PPM1H: variants seen among roughly 807,000 people sequenced by gnomAD.
The protein encoded by PPM1H is protein phosphatase 1H.
PPM1H carries 27 observed loss-of-function variants against 54.9 expected under a neutral mutation model. The observed-to-expected ratio is 0.49, with a 90% confidence interval of 0.36 to 0.68. PPM1H has a LOEUF of 0.68. Ranked by LOEUF, PPM1H falls within the 30% of genes least tolerant of loss-of-function variation. PPM1H has a pLI of 0.00. For missense variants in PPM1H, 596 were observed against 667.8 expected, an observed-to-expected ratio of 0.89 and a Z score of 1.19; for synonymous variants, 305 against 270.8, an observed-to-expected ratio of 1.13 and a Z score of -1.24.
chr12:62,870,929 T>C (rs1296960356), intron 1 of PPM1H, among the ~76,000 whole-genome samples: 1 of 152,188 alleles, frequency 6.6e-6, no homozygotes, highest in African/African-American at 2.4e-5. Flanking sequence ...TTGCTGTGGA[T>C]GTGGAGAAAT....
chr12:62,788,964 A>T (rs754585541), intron 3 of PPM1H, among the ~76,000 whole-genome samples: 1 of 151,960 alleles, frequency 6.6e-6, no homozygotes, highest in African/African-American at 2.4e-5. Context: ...GTGCTGAAGC[A>T]ATCTGCCTGC....
At position 62,844,205 on chromosome 12, in the gene PPM1H, G is replaced by A. The variant is rs1214107857; in HGVS notation, c.246-11926C>T. 6.6e-6 allele frequency among the ~76,000 whole-genome samples: 1 copy of A among 152,174 alleles called. No individual in the cohort carries two copies. Among genetic ancestry groups the A allele is most frequent in the African/African-American group, 2.4e-5 (1 of 41,434 alleles). ...TGGATGGGGTTGGTGTTCCAAAGTGGGGAAGCTAAGGTTTCACTTATATAG... is the reference window on the plus strand; with the variant it reads ...TGGATGGGGTTGGTGTTCCAAAGTGAGGAAGCTAAGGTTTCACTTATATAG... On this transcript the variant is annotated intron_variant, in intron 1 of 9. Coordinates refer to ENST00000228705, the MANE Select transcript of PPM1H (RefSeq NM_020700.2). This position sits in a 1 kb window ranked among gnomAD's most constrained non-coding sequence, Gnocchi z 5.2.
intron 4 of PPM1H, among the ~76,000 whole-genome samples, chr12:62,747,970 C>T (rs1673865280): frequency 6.6e-6 from 1 of 152,180 alleles, no homozygotes; most frequent in Admixed American, 6.5e-5. Flanking sequence ...ATAAAGGTAG[C>T]ATCTCTCTGT....
intron 6 of PPM1H, among the ~76,000 whole-genome samples, chr12:62,714,753 A>T (rs913481821): frequency 6.6e-6 from 1 of 152,178 alleles, no homozygotes; most frequent in Non-Finnish European, 1.5e-5. Flanking sequence ...CTGCCCCTGA[A>T]ATGAGACCAT....
At chr12:62,762,990 T>G (rs369590266) in intron 4 of PPM1H, among the ~76,000 whole-genome samples, 109 of 152,130 alleles carry the variant, frequency 7.2e-4, no homozygotes, top group African/African-American at 2.5e-3. Flanking sequence ...TATTTTTTTT[T>G]CCAAAGCACC....
At position 62,776,168 on chromosome 12, in the gene PPM1H, C is replaced by T. The variant is rs74098849; in HGVS notation, c.869+12058G>A. On this transcript the variant is annotated intron_variant, in intron 4 of 9. Coordinates refer to ENST00000228705, the MANE Select transcript of PPM1H (RefSeq NM_020700.2). ...GATACGTGGGAGTATGTTATAGGAA[C>T]TACAATTCAAGATGAGATTTGGGTG... is the stretch of plus-strand genomic sequence containing the variant. Among the ~76,000 whole-genome samples, 550 of 152,258 alleles carry T rather than the reference C, an allele frequency of 3.6e-3. 7 individuals are homozygous for T. Among genetic ancestry groups the T allele is most frequent in the African/African-American group, 0.012 (505 of 41,558 alleles).
chr12:62,726,194 AT>A (rs1453230668), intron 5 of PPM1H, among the ~76,000 whole-genome samples: 1 of 152,210 alleles, frequency 6.6e-6, no homozygotes, highest in Non-Finnish European at 1.5e-5. Context: ...GAGCAAACAT[AT>A]GGTTGCTTAA....
At chr12:62,781,619 T>C (rs915381504) in intron 4 of PPM1H, among the ~76,000 whole-genome samples, 2 of 152,252 alleles carry the variant, frequency 1.3e-5, no homozygotes, top group Non-Finnish European at 2.9e-5. Flanking sequence ...GTCCACCCAC[T>C]GAGTTTCAGC....
At chr12:62,652,771 T>TAA (rs2075823269) in intron 9 of PPM1H, among the ~76,000 whole-genome samples, 1 of 152,228 alleles carries the variant, frequency 6.6e-6, no homozygotes, top group Non-Finnish European at 1.5e-5. Flanking sequence ...TCACCTTTTT[T>TAA]TGAGCCTGCC....
Position 62,749,764 on chromosome 12 carries a change from C to T in PPM1H, c.870-12178G>A, listed in dbSNP as rs141357380. On this transcript the variant is annotated intron_variant, in intron 4 of 9. Transcript: ENST00000228705. ...TTAAGCTCCTAAGCAAAAATATTCA[C>T]AAATGATGGTCAAGGGAAAAATATT... Among the ~76,000 whole-genome samples the T allele has an allele frequency of 3.9e-5, 6 of 152,296 alleles. No individual in the cohort carries two copies. In the East Asian group the frequency reaches 1.2e-3, roughly 29 times the overall value.
intron 2 of PPM1H, among the ~76,000 whole-genome samples, chr12:62,819,212 C>T (rs10877917): frequency 0.066 from 9,946 of 150,950 alleles, 443 homozygotes; most frequent in Middle Eastern, 0.12. Context: ...TCACTGCAAC[C>T]TCTGCCCTCC....
chr12:62,794,403 T>A (rs2076719923), intron 3 of PPM1H, among the ~76,000 whole-genome samples: 1 of 152,184 alleles, frequency 6.6e-6, no homozygotes, highest in Non-Finnish European at 1.5e-5. Context: ...ACCATGTATT[T>A]ATAAGGTTTT....
At chr12:62,848,314 C>T (rs1412391184) in intron 1 of PPM1H, among the ~76,000 whole-genome samples, 1 of 152,152 alleles carries the variant, frequency 6.6e-6, no homozygotes, top group Non-Finnish European at 1.5e-5. Context: ...GACTGATAAA[C>T]TTGATATATG....
intron 3 of PPM1H, among the ~76,000 whole-genome samples, chr12:62,796,342 A>G (rs1275832143): frequency 6.6e-6 from 1 of 152,134 alleles, no homozygotes; most frequent in Non-Finnish European, 1.5e-5. Flanking sequence ...TCAGTCCCCC[A>G]ACTGACTCCC....
intron 5 of PPM1H, among the ~76,000 whole-genome samples, chr12:62,732,150 C>A (rs974306546): frequency 3.9e-5 from 6 of 152,116 alleles, no homozygotes; most frequent in African/African-American, 9.7e-5. Context: ...CAGGAGTGCC[C>A]GTCCCTTGAA....
At chr12:62,808,302 C>T (rs181014320) in intron 2 of PPM1H, among the ~76,000 whole-genome samples, 4 of 152,224 alleles carry the variant, frequency 2.6e-5, no homozygotes, top group Admixed American at 1.3e-4. Flanking sequence ...TAGGTCACCA[C>T]CTATTAAGTT....
At chr12:62,904,549 A>C (rs777887473) in intron 1 of PPM1H, among the ~76,000 whole-genome samples, 6 of 152,192 alleles carry the variant, frequency 3.9e-5, no homozygotes, top group African/African-American at 9.6e-5. Flanking sequence ...GGGCCCTTCT[A>C]AGAAACGAAG....
intron 1 of PPM1H, among the ~76,000 whole-genome samples, chr12:62,924,391 A>G (rs1871902154): frequency 6.6e-6 from 1 of 152,222 alleles, no homozygotes; most frequent in African/African-American, 2.4e-5. Context: ...CAGTGCTGCC[A>G]CTGGTCTTCT....
At chr12:62,848,432 T>G (rs1395426335) in intron 1 of PPM1H, among the ~76,000 whole-genome samples, 1 of 152,204 alleles carries the variant, frequency 6.6e-6, no homozygotes, top group Non-Finnish European at 1.5e-5. Flanking sequence ...AAATGCAATC[T>G]AGGACACTTT....
Sources: gnomAD v4.1 joint callset for allele counts (sites outside exome capture counted in the v4.1 genomes callset) on GRCh38, gnomAD v4.1.1 for gene constraint, Gnocchi (gnomAD v3.1) non-coding constraint, MANE v1.5 for transcripts, NCBI Gene and HGNC (gene_info 2026-07-23, HGNC 2026-07-21) for gene names.